Variants in ZNF782 observed in about 807,000 individuals in gnomAD.
ZNF782 encodes zinc finger protein 782.
A neutral mutation model predicts 13.0 loss-of-function variants in ZNF782; 12 were observed. That is an observed-to-expected ratio of 0.92 (90% CI 0.59 to 1.50). The LOEUF is 1.50. Among genes scored for constraint, ZNF782 ranks in the 40% most tolerant of loss-of-function variants. The pLI, the probability that ZNF782 is intolerant of heterozygous loss-of-function variation, is 0.00. For synonymous variants in ZNF782, 284 were observed against 283.0 expected (o/e 1.00, Z -0.04); for missense variants, 770 against 822.9 (o/e 0.94, Z 0.79).
chr9:96,918,589 TA>T, the ZNF782 span: 1 of 150,522 alleles, frequency 6.6e-6, no homozygotes, highest in Non-Finnish European at 1.5e-5. Flanking sequence ...TTTGCAAAGA[TA>T]AGAGACAAAA....
chr9:96,843,110 G>T (rs940788419), intron 4 of ZNF782, among the ~76,000 whole-genome samples: 1 of 152,068 alleles, frequency 6.6e-6, no homozygotes, highest in Non-Finnish European at 1.5e-5. Flanking sequence ...ATGCAAAATG[G>T]TACAGCAACT....
At chr9:96,855,341 G>A (rs7871989), upstream of ZNF782, among the ~76,000 whole-genome samples, 11,808 of 152,046 alleles carry the variant, frequency 0.078, 1,406 homozygotes, top group African/African-American at 0.26. Context: ...TGAGATTTTG[G>A]TGCACCCATC....
At chr9:96,829,787 T>TA (rs1210004874) in intron 4 of ZNF782, among the ~76,000 whole-genome samples, 5 of 151,878 alleles carry the variant, frequency 3.3e-5, no homozygotes, top group East Asian at 1.9e-4. Context: ...GCAATAATAG[T>TA]AAAAAAAATT....
intron 4 of ZNF782, among the ~76,000 whole-genome samples, chr9:96,828,622 G>C (rs1434651657): frequency 6.6e-6 from 1 of 152,186 alleles, no homozygotes; most frequent in Non-Finnish European, 1.5e-5. Context: ...CTGAAGCTGG[G>C]AGTTCAAGAC....
chr9:96,919,108 C>T, the ZNF782 span: 2 of 175,830 alleles, frequency 1.1e-5, no homozygotes, highest in Non-Finnish European at 2.7e-5. Context: ...GGGGAAAGAA[C>T]AAAAATTTTC....
intron 3 of ZNF782, among the ~76,000 whole-genome samples, chr9:96,849,648 A>C (rs1851435947): frequency 6.6e-6 from 1 of 152,238 alleles, no homozygotes; most frequent in Admixed American, 6.5e-5. Context: ...AACGCTACAA[A>C]AACAAAAATA....
chr9:96,876,943 CAAAAAAAAAAAAAAAAA>C (rs398011569), upstream of ZNF782, among the ~76,000 whole-genome samples: 1 of 42,802 alleles, frequency 2.3e-5, no homozygotes, highest in East Asian at 1.7e-3. Context: ...AACTCCGACT[CAAAAAAAAAAAAAAAAA>C]AAAAAAAAAA....
In ZNF782 at chr9:96,818,785, T is replaced by C. The variant is rs772676816; in HGVS notation, c.1238A>G (p.Gln413Arg). ...FSEKSRLRKH[Q>R]RTHTGEKPYK... The stretch of plus-strand genomic sequence containing the variant: ...TGGTTTCTCTCCCGTGTGAGTTCTC[T>C]GATGTTTTCTTAGGCGTGACTTCTC... The change falls in exon 6 of 6, where the codon CAG becomes CGG. Residue 413 changes from glutamine to arginine, a missense_variant. Physicochemically the swap from Gln to Arg is conservative, Grantham distance 43. Coordinates refer to ENST00000481138, the MANE Select transcript of ZNF782 (RefSeq NM_001001662.3). 1 of 1,614,014 alleles carries C rather than the reference T, an allele frequency of 6.2e-7. No individual in the cohort carries two copies. Among genetic ancestry groups the C allele is most frequent in the Non-Finnish European group, 8.5e-7 (1 of 1,179,978 alleles).
chr9:96,885,829 TC>T, the ZNF782 span, among the ~76,000 whole-genome samples: 2 of 151,834 alleles, frequency 1.3e-5, no homozygotes, highest in African/African-American at 4.8e-5. Flanking sequence ...CTTCCTTCCT[TC>T]CTCTTTCTTT....
intron 5 of ZNF782, among the ~76,000 whole-genome samples, chr9:96,822,801 T>C (rs1310080814): frequency 1.3e-5 from 2 of 152,168 alleles, no homozygotes; most frequent in African/African-American, 4.8e-5. Flanking sequence ...TTCTGGATAT[T>C]AGACAATTTT....
the ZNF782 span, among the ~76,000 whole-genome samples, chr9:96,883,170 T>C: frequency 6.6e-6 from 1 of 152,190 alleles, no homozygotes; most frequent in African/African-American, 2.4e-5. Context: ...AAGGACAATA[T>C]ATTTTTTAAA....
At chr9:96,876,943 C>CAAAAAAAAAAAAA (rs398011569), upstream of ZNF782, among the ~76,000 whole-genome samples, 200 of 42,808 alleles carry the variant, frequency 4.7e-3, no homozygotes, top group East Asian at 6.8e-3. Context: ...AACTCCGACT[C>CAAAAAAAAAAAAA]AAAAAAAAAA....
At chr9:96,889,592 G>A in the ZNF782 span, 2 of 152,082 alleles carry the variant, frequency 1.3e-5, no homozygotes, top group Non-Finnish European at 2.9e-5. Context: ...GTAGAGACAG[G>A]GTTTCTCCAC....
chr9:96,907,692 G>C, the ZNF782 span, among the ~76,000 whole-genome samples: 1 of 151,582 alleles, frequency 6.6e-6, no homozygotes, highest in African/African-American at 2.4e-5. Flanking sequence ...CCAGGCTAGA[G>C]TGCAATGGCA....
At chr9:96,891,260 A>G in the ZNF782 span, 1 of 152,232 alleles carries the variant, frequency 6.6e-6, no homozygotes, top group Non-Finnish European at 1.5e-5. Context: ...TTGTACACTT[A>G]AAATAATACA....
chr9:96,931,456 C>T, the ZNF782 span, among the ~76,000 whole-genome samples: 9 of 151,816 alleles, frequency 5.9e-5, no homozygotes, highest in Middle Eastern at 3.4e-3. Context: ...CAGGGACACC[C>T]GAGGGAGACC....
chr9:96,894,530 C>T, the ZNF782 span: 1 of 152,132 alleles, frequency 6.6e-6, no homozygotes, highest in African/African-American at 2.4e-5. Context: ...AATCCACTGA[C>T]CCCCACCCTA....
chr9:96,837,710 C>T (rs191629445), intron 4 of ZNF782, among the ~76,000 whole-genome samples: 78 of 152,222 alleles, frequency 5.1e-4, no homozygotes, highest in South Asian at 4.1e-4. Flanking sequence ...CCAGAAGGTA[C>T]GCTATGTTGT....
chr9:96,831,766 C>T (rs1850810054), intron 4 of ZNF782, among the ~76,000 whole-genome samples: 1 of 151,806 alleles, frequency 6.6e-6, no homozygotes, highest in African/African-American at 2.4e-5. Flanking sequence ...TAACATCACT[C>T]TGTTACCAAT....
Sources: gnomAD v4.1 joint callset for allele counts (sites outside exome capture counted in the v4.1 genomes callset) on GRCh38, gnomAD v4.1.1 for gene constraint, MANE v1.5 for transcripts, NCBI Gene and HGNC (gene_info 2026-07-23, HGNC 2026-07-21) for gene names.